The following ODAD2 variants were observed in gnomAD, a reference collection of about 807,000 sequenced individuals.
ODAD2 encodes outer dynein arm-docking complex subunit 2.
Under a neutral mutation model 106.8 loss-of-function variants are expected in ODAD2, and 89 were observed. The observed-to-expected ratio is 0.83, with a 90% CI of 0.70 to 0.99. ODAD2 has a LOEUF of 0.99. Among genes scored for constraint, ODAD2 ranks in the 50% least tolerant of loss-of-function variants. The pLI, the probability that ODAD2 is intolerant of heterozygous loss-of-function variation, is 0.00. For synonymous variants in ODAD2, 404 were observed against 436.2 expected, an observed-to-expected ratio of 0.93 and a Z score of 0.92; for missense variants, 1,168 against 1,238.5, an observed-to-expected ratio of 0.94 and a Z score of 0.85.
intron 7 of ODAD2, among the ~76,000 whole-genome samples, chr10:27,980,463 T>C (rs1391511626): frequency 6.6e-6 from 1 of 152,020 alleles, no homozygotes; most frequent in African/African-American, 2.4e-5. Context: ...ATTGGGTATA[T>C]ACAAAAACTA....
chr10:27,918,719 A>C (rs2133943363), intron 16 of ODAD2, among the ~76,000 whole-genome samples: 1 of 151,934 alleles, frequency 6.6e-6, no homozygotes, highest in African/African-American at 2.4e-5. Context: ...AAGAAATAAC[A>C]GACATAAGGA....
chr10:27,832,338 C>T (rs577738924), intron 19 of ODAD2, among the ~76,000 whole-genome samples: 10 of 152,284 alleles, frequency 6.6e-5, no homozygotes, highest in African/African-American at 2.2e-4. Flanking sequence ...GATTTTATCA[C>T]GCATGCCCTC....
At chr10:27,974,420 C>T (rs188287674) in intron 7 of ODAD2, among the ~76,000 whole-genome samples, 22 of 152,154 alleles carry the variant, frequency 1.4e-4, no homozygotes, top group Admixed American at 8.5e-4. Flanking sequence ...TATAAGAAAG[C>T]GGTCCAGTTT....
At chr10:27,946,354 T>A (rs1433543959) in intron 10 of ODAD2, among the ~76,000 whole-genome samples, 1 of 151,554 alleles carries the variant, frequency 6.6e-6, no homozygotes, top group Non-Finnish European at 1.5e-5. Flanking sequence ...GCAAATCTTC[T>A]TGTGAATTCA....
At chr10:27,929,397 ATT>A (rs1426512380) in intron 16 of ODAD2, among the ~76,000 whole-genome samples, 2 of 152,126 alleles carry the variant, frequency 1.3e-5, no homozygotes, top group Non-Finnish European at 2.9e-5. Context: ...CTTTGTTTTG[ATT>A]TTTGTCAGTT....
At chr10:27,855,015 G>A (rs2133263800) in intron 19 of ODAD2, among the ~76,000 whole-genome samples, 1 of 152,226 alleles carries the variant, frequency 6.6e-6, no homozygotes, top group East Asian at 1.9e-4. Flanking sequence ...CAGGCAGAGT[G>A]GGGCAGGAGA....
chr10:27,817,658 G>C (rs567627627), intron 19 of ODAD2, among the ~76,000 whole-genome samples: 2 of 152,246 alleles, frequency 1.3e-5, no homozygotes, highest in South Asian at 4.1e-4. Context: ...TGCTGCAAAA[G>C]ACATGATTCA....
At chr10:27,912,459 C>T (rs147357353) in intron 16 of ODAD2, among the ~76,000 whole-genome samples, 42 of 152,176 alleles carry the variant, frequency 2.8e-4, no homozygotes, top group East Asian at 9.7e-4. Context: ...GTTTCTCAGG[C>T]TCTTGTTATG....
At chr10:27,963,828 A>T (rs1848316111) in intron 9 of ODAD2, among the ~76,000 whole-genome samples, 1 of 152,114 alleles carries the variant, frequency 6.6e-6, no homozygotes, top group Non-Finnish European at 1.5e-5. Context: ...GCATTTGGCC[A>T]CAAGAGTTCC....
rs546166274 is a variant in ODAD2, at chr10:27,824,109, C to G, written c.3022-11484G>C. ...TGAGCCGAGATTGCGCCACTGCACT[C>G]CAGCCTGGGCGACAGCGAGACTCCG... On this transcript the variant is annotated intron_variant, in intron 19 of 19. Transcript: ENST00000305242. Among the ~76,000 whole-genome samples the G allele has an allele frequency of 2.0e-3, 217 of 106,352 alleles. 23 individuals are homozygous for G. Among genetic ancestry groups the G allele is most frequent in the African/African-American group, 0.011 (204 of 17,908 alleles). 69.8% of individuals were successfully genotyped at this position (106,352 alleles called of 152,430 possible).
intron 17 of ODAD2, among the ~76,000 whole-genome samples, chr10:27,872,791 C>T (rs1032247264): frequency 1.3e-5 from 2 of 152,206 alleles, no homozygotes; most frequent in African/African-American, 2.4e-5. Flanking sequence ...CAACGATGTT[C>T]ATCAGGGATA....
chr10:27,928,166 T>C (rs1845383827), intron 16 of ODAD2, among the ~76,000 whole-genome samples: 1 of 152,040 alleles, frequency 6.6e-6, no homozygotes, highest in Non-Finnish European at 1.5e-5. Flanking sequence ...ACTTTGTCTC[T>C]CCTCTCATGA....
intron 9 of ODAD2, among the ~76,000 whole-genome samples, chr10:27,965,956 T>C (rs1848463045): frequency 6.6e-6 from 1 of 152,228 alleles, no homozygotes; most frequent in Non-Finnish European, 1.5e-5. Flanking sequence ...TCATTTTCTT[T>C]GTTTCTCTCC....
intron 19 of ODAD2, among the ~76,000 whole-genome samples, chr10:27,820,777 CTTTTT>C (rs72095120): frequency 1.4e-4 from 15 of 105,546 alleles, no homozygotes; most frequent in African/African-American, 5.4e-4. Flanking sequence ...AGCCCAGCAA[CTTTTT>C]TTTTTTTTTT....
intron 19 of ODAD2, among the ~76,000 whole-genome samples, chr10:27,857,696 A>G (rs1394422070): frequency 6.6e-6 from 1 of 152,242 alleles, no homozygotes; most frequent in Non-Finnish European, 1.5e-5. Context: ...CTGTCAGGAT[A>G]GAATAAACCT....
rs147657340 is a variant in ODAD2, at chr10:27,818,107, C to T, written c.3022-5482G>A. ...TCACTACCAAATAATTGAATGTGAG[C>T]GCTGCCAGCCTGGATGCCAATGGAT... On this transcript the variant is annotated intron_variant, in intron 19 of 19. Transcript: ENST00000305242. Among the ~76,000 whole-genome samples the T allele has an allele frequency of 3.0e-3, 448 of 151,180 alleles. 4 individuals are homozygous for T. Among genetic ancestry groups the T allele is most frequent in the African/African-American group, 0.011 (434 of 41,182 alleles).
chr10:27,981,640 G>C, intron 6 of ODAD2, 58 bp from the exon 7 acceptor site: 1 of 1,176,442 alleles, frequency 8.5e-7, no homozygotes, highest in Admixed American at 2.8e-5. Context: ...GTAAGAAGCT[G>C]ATCAATACAT....
chr10:27,971,212 T>A lies in ODAD2; in HGVS notation c.1038A>T (p.Ser346=), dbSNP rs1848837753. Reference sequence around the variant, plus strand: ...GGTTCTTCTCCAGTGACCTTTTGTCTGAACCAGAAATGTCTTTGCGGAGGG... The same window carrying A: ...GGTTCTTCTCCAGTGACCTTTTGTCAGAACCAGAAATGTCTTTGCGGAGGG... ...AAALRKDISG[S]DKRSLEKNQI... The change falls in exon 8 of 20, where the codon TCA becomes TCT. Residue 346 remains serine (S), a synonymous_variant. Coordinates refer to ENST00000305242, the MANE Select transcript of ODAD2 (RefSeq NM_018076.5). 7 of 1,614,044 alleles carry A rather than the reference T, an allele frequency of 4.3e-6. No homozygotes were observed. Among genetic ancestry groups the A allele is most frequent in the Non-Finnish European group, 5.9e-6 (7 of 1,179,930 alleles).
At chr10:27,820,777 C>CTTTTTTTT (rs72095120) in intron 19 of ODAD2, among the ~76,000 whole-genome samples, 100 of 105,538 alleles carry the variant, frequency 9.5e-4, no homozygotes, top group African/African-American at 3.7e-3. Flanking sequence ...AGCCCAGCAA[C>CTTTTTTTT]TTTTTTTTTT....
Sources: allele counts gnomAD v4.1 joint callset (sites outside exome capture counted in the v4.1 genomes callset), GRCh38; gene constraint gnomAD v4.1.1; transcripts MANE v1.5; gene names NCBI Gene and HGNC (gene_info 2026-07-23, HGNC 2026-07-21).